FEZ1: variants seen among roughly 807,000 people sequenced by gnomAD.
FEZ1 encodes fasciculation and elongation protein zeta 1, also known as fasciculation and elongation protein zeta-1.
FEZ1 carries 20 observed loss-of-function variants against 49.3 expected under a neutral mutation model. The ratio of observed to expected loss-of-function variants is 0.41; its 90% confidence interval spans 0.29 to 0.59. The LOEUF is 0.59. Among genes scored for constraint, FEZ1 ranks in the 20% least tolerant of loss-of-function variants. The pLI is 0.36. For missense variants in FEZ1, 413 were observed against 476.0 expected (o/e 0.87, Z 1.23); for synonymous variants, 170 against 180.9 (o/e 0.94, Z 0.48).
intron 1 of FEZ1, among the ~76,000 whole-genome samples, chr11:125,491,052 A>G (rs1461516489): frequency 6.6e-6 from 1 of 152,098 alleles, no homozygotes; most frequent in Non-Finnish European, 1.5e-5. Flanking sequence ...CCGTGCCCAG[A>G]CAAGCACCCA....
Position 125,495,844 on chromosome 11 carries a change from G to T in FEZ1, c.-46+277C>A. 2 of 316,962 alleles carry T rather than the reference G, an allele frequency of 6.3e-6. No homozygotes were observed. The highest frequency in any genetic ancestry group is 4.5e-5 in the Admixed American group (1 of 22,026). 19.6% of individuals were successfully genotyped at this position (316,962 alleles called of 1,614,324 possible). ...CACACACACACACACACCAGGCCTG[G>T]CTGGAGGGCCGATGCTGAGATGATA... On this transcript the variant is annotated intron_variant, in intron 1 of 9. Transcript: ENST00000278919. This position sits in a 1 kb window ranked among gnomAD's most constrained non-coding sequence, Gnocchi z 4.2.
chr11:125,491,609 G>C (rs895292406), intron 1 of FEZ1, among the ~76,000 whole-genome samples: 1 of 152,096 alleles, frequency 6.6e-6, no homozygotes, highest in African/African-American at 2.4e-5. Context: ...AATTGGAGGC[G>C]CTTCCTGAGG....
At chr11:125,446,142 T>C in intron 9 of FEZ1, 31 bp from the exon 10 acceptor site, 3 of 1,613,302 alleles carry the variant, frequency 1.9e-6, no homozygotes, top group Non-Finnish European at 2.5e-6. Context: ...GGGAGAGCGG[T>C]CAGAACACAG....
Position 125,444,306 on chromosome 11 carries a change from C to T in FEZ1, c.*1789G>A, listed in dbSNP as rs28525233. ...TGCTTCTGGAAAAGCAGAAGCCGAG[C>T]TAGGCGCGGTGACTCACGCCTATAA... On this transcript the variant is annotated 3_prime_UTR_variant, in exon 10 of 10. Coordinates refer to ENST00000278919, the MANE Select transcript of FEZ1 (RefSeq NM_005103.5). 0.011 allele frequency among the ~76,000 whole-genome samples: 1,693 copies of T among 152,314 alleles called. 28 individuals are homozygous for T. Among genetic ancestry groups the T allele is most frequent in the African/African-American group, 0.029 (1,223 of 41,576 alleles).
At chr11:125,461,060 C>T (rs1295276519) in intron 4 of FEZ1, among the ~76,000 whole-genome samples, 1 of 152,154 alleles carries the variant, frequency 6.6e-6, no homozygotes, top group African/African-American at 2.4e-5. Flanking sequence ...ACATAATACA[C>T]GTGACTGTAA....
At position 125,480,251 on chromosome 11, in the gene FEZ1, C is replaced by T. The variant is rs1050784753; in HGVS notation, c.411+1283G>A. ...ATTAGCCGGGCATGGTGGCGTATGC[C>T]TGTAGTCCCAGCTACTCGGGGAGGG... On this transcript the variant is annotated intron_variant, in intron 3 of 9. Coordinates refer to ENST00000278919, the MANE Select transcript of FEZ1 (RefSeq NM_005103.5). Among the ~76,000 whole-genome samples the T allele has an allele frequency of 1.1e-4, 17 of 152,228 alleles. 1 individual carries two copies. The highest frequency in any genetic ancestry group is 3.9e-4 in the African/African-American group (16 of 41,536).
intron 3 of FEZ1, among the ~76,000 whole-genome samples, chr11:125,471,426 A>G (rs923027441): frequency 1.0e-5 from 1 of 98,088 alleles, no homozygotes; most frequent in Admixed American, 1.3e-4. Context: ...AAGGATTGAG[A>G]TAGATACACA....
In FEZ1 at chr11:125,454,118, G is replaced by A. The variant is rs1273950271; in HGVS notation, c.1020+12C>T. 6.2e-7 allele frequency: 1 copy of A among 1,604,844 alleles called. No homozygotes were observed. Among genetic ancestry groups the A allele is most frequent in the African/African-American group, 1.3e-5 (1 of 74,798 alleles). On this transcript the variant is annotated intron_variant, in intron 7 of 9. Coordinates refer to ENST00000278919, the MANE Select transcript of FEZ1 (RefSeq NM_005103.5). ...CTAGGAAGAGAGCTTGGAGCAGGGA[G>A]ACTACGCGTACCTGTTTGTCAGTTC...
chr11:125,446,445 G>A lies in FEZ1; in HGVS notation c.1163-334C>T, dbSNP rs574533467. 3.9e-5 allele frequency among the ~76,000 whole-genome samples: 6 copies of A among 152,304 alleles called. No homozygotes were observed. The South Asian group carries it at 1.2e-3, about 32-fold the overall frequency. On this transcript the variant is annotated intron_variant, in intron 9 of 9. Coordinates refer to ENST00000278919, the MANE Select transcript of FEZ1 (RefSeq NM_005103.5). ...CCCGCAGGGTTGTTGAGAGGCATGT[G>A]GCAAGTGCTGAGTAAATATTAATCA... is the stretch of plus-strand genomic sequence containing the variant.
At chr11:125,450,273 A>G (rs938773353) in intron 8 of FEZ1, among the ~76,000 whole-genome samples, 1 of 150,288 alleles carries the variant, frequency 6.7e-6, no homozygotes, top group Middle Eastern at 3.5e-3. Flanking sequence ...CAGGTGATCC[A>G]CCCGCCTCGG....
Position 125,448,515 on chromosome 11 carries a change from G to C in FEZ1, c.1149C>G (p.Asp383Glu), listed in dbSNP as rs200878231. Residue 383 changes from aspartate to glutamate, a missense_variant, in exon 9 of 10, where the codon GAC (aspartate) becomes GAG (glutamate). Transcript: ENST00000278919. ...GGCTGCTCTTACCTTTTAAAATGTA[G>C]TCCGTTAGCAAAGTAGGCACCTTCT... The part of the protein sequence containing the change: ...DNEKVPTLLT[D>E]YILKVLCPT 6.2e-7 allele frequency: 1 copy of C among 1,610,920 alleles called. No homozygotes were observed.
intron 7 of FEZ1, 85 bp downstream of exon 7, chr11:125,454,045 G>C (rs1299180908): frequency 2.5e-6 from 2 of 798,922 alleles, no homozygotes; most frequent in East Asian, 5.5e-5. Context: ...GATAATTCTG[G>C]TGAGTCACTG....
At chr11:125,460,448 C>A in intron 5 of FEZ1, 50 bp downstream of exon 5, 1 of 1,556,728 alleles carries the variant, frequency 6.4e-7, no homozygotes, top group Non-Finnish European at 8.8e-7. Context: ...CAGAGCCTGG[C>A]CCCGAGCAGG....
At chr11:125,462,143 A>C (rs1214185404) in intron 4 of FEZ1, among the ~76,000 whole-genome samples, 3 of 152,226 alleles carry the variant, frequency 2.0e-5, no homozygotes, top group Admixed American at 6.5e-5. Context: ...ATGAAAAAGC[A>C]CCATTGCTGC....
At chr11:125,449,440 A>AG (rs1956931186) in intron 8 of FEZ1, among the ~76,000 whole-genome samples, 3 of 149,240 alleles carry the variant, frequency 2.0e-5, no homozygotes, top group African/African-American at 7.4e-5. Context: ...AAAAAAAAAA[A>AG]AAAGAAGAAG....
At position 125,458,332 on chromosome 11, in the gene FEZ1, G is replaced by A. The variant is rs372410364; in HGVS notation, c.667+2166C>T. On this transcript the variant is annotated intron_variant, in intron 5 of 9. Transcript: ENST00000278919. ...GCAGCGTGGGCATTTGATACCCTAC[G>A]GCTGGTGAATTGTTCTGCCTTTGCT... Among the ~76,000 whole-genome samples the A allele has an allele frequency of 6.7e-4, 102 of 152,230 alleles. No homozygotes were observed. The South Asian group carries it at 8.3e-3, about 12-fold the overall frequency.
chr11:125,455,875 T>A lies in FEZ1; in HGVS notation c.899A>T (p.Gln300Leu). ...GTTTCCCTTCTCTATCCGGCTGCTCTGCAGGCTCAGCCCTTTCTCTTTCCG... is the reference window on the plus strand; with the variant it reads ...GTTTCCCTTCTCTATCCGGCTGCTCAGCAGGCTCAGCCCTTTCTCTTTCCG... The part of the protein sequence containing the change: ...KRRKEKGLSL[Q>L]SSRIEKGNQM... Residue 300 changes from glutamine (Q) to leucine (L), a missense_variant, in exon 6 of 10, where the codon CAG becomes CTG. By Grantham distance (113) the Gln-to-Leu change is moderately radical (BLOSUM62 -2). Coordinates refer to ENST00000278919, the MANE Select transcript of FEZ1 (RefSeq NM_005103.5). The A allele has an allele frequency of 6.2e-7, 1 of 1,613,968 alleles. No individual in the cohort carries two copies. Among genetic ancestry groups the A allele is most frequent in the Non-Finnish European group, 8.5e-7 (1 of 1,179,986 alleles).
chr11:125,479,715 A>T (rs938886151), intron 3 of FEZ1, among the ~76,000 whole-genome samples: 2 of 152,206 alleles, frequency 1.3e-5, no homozygotes, highest in Non-Finnish European at 2.9e-5. Context: ...ACACAGTGAG[A>T]AGGTGCCGTC....
At chr11:125,482,130 T>C (rs1957286482) in intron 2 of FEZ1, among the ~76,000 whole-genome samples, 1 of 152,128 alleles carries the variant, frequency 6.6e-6, no homozygotes, top group African/African-American at 2.4e-5. Context: ...CATTATCTAG[T>C]TTATAACCGT....
Sources: gnomAD v4.1 joint callset for allele counts (sites outside exome capture counted in the v4.1 genomes callset) on GRCh38, gnomAD v4.1.1 for gene constraint, Gnocchi (gnomAD v3.1) non-coding constraint, MANE v1.5 for transcripts, NCBI Gene and HGNC (gene_info 2026-07-23, HGNC 2026-07-21) for gene names.